The following PLEKHA8 variants were observed in gnomAD, a reference collection of about 807,000 sequenced individuals.
PLEKHA8 encodes pleckstrin homology domain containing A8, also known as pleckstrin homology domain-containing family A member 8.
A neutral mutation model predicts 68.2 loss-of-function variants in PLEKHA8; 36 were observed. The ratio of observed to expected loss-of-function variants is 0.53; its 90% CI spans 0.40 to 0.70. The LOEUF (loss-of-function observed/expected upper bound fraction) is 0.70, where lower values mean the gene tolerates loss of function less well. Among genes scored for constraint, PLEKHA8 ranks in the 30% least tolerant of loss-of-function variants. PLEKHA8 has a pLI of 0.00. For missense variants in PLEKHA8, 505 were observed against 615.4 expected, an observed-to-expected ratio of 0.82 and a Z score of 1.90; for synonymous variants, 211 against 216.1, an observed-to-expected ratio of 0.98 and a Z score of 0.20.
intron 2 of PLEKHA8, 55 bp from the exon 3 acceptor site, chr7:30,046,155 G>A: frequency 1.4e-6 from 2 of 1,463,328 alleles, no homozygotes; most frequent in South Asian, 3.1e-5. Flanking sequence ...GTGGGTTGGA[G>A]GCTACCCAGA....
At chr7:30,110,179 C>T (rs1425485605) in intron 13 of PLEKHA8, among the ~76,000 whole-genome samples, 1 of 152,022 alleles carries the variant, frequency 6.6e-6, no homozygotes. Context: ...AGTCACCCCC[C>T]ATTCCTCCCT....
chr7:30,029,239 TC>T (rs1790463704), intron 1 of PLEKHA8, among the ~76,000 whole-genome samples: 1 of 152,230 alleles, frequency 6.6e-6, no homozygotes, highest in Non-Finnish European at 1.5e-5. Context: ...AGCGGAAAGA[TC>T]CTTTATCAAA....
intron 13 of PLEKHA8, among the ~76,000 whole-genome samples, chr7:30,107,506 G>A (rs1411703739): frequency 1.3e-5 from 2 of 151,750 alleles, no homozygotes; most frequent in African/African-American, 2.4e-5. Flanking sequence ...TTTGTATTTC[G>A]TATTTTTTAC....
At chr7:30,039,664 T>G (rs1269898759) in intron 1 of PLEKHA8, among the ~76,000 whole-genome samples, 2 of 152,276 alleles carry the variant, frequency 1.3e-5, no homozygotes. Flanking sequence ...TATGTTAGTC[T>G]TGTATCCTAT....
intron 1 of PLEKHA8, among the ~76,000 whole-genome samples, chr7:30,029,158 A>C (rs1562845431): frequency 6.6e-6 from 1 of 152,204 alleles, no homozygotes; most frequent in Non-Finnish European, 1.5e-5. Context: ...TGGCGAAGGA[A>C]CCGTACTCCC....
At chr7:30,094,887 G>C (rs1347347018), downstream of PLEKHA8, among the ~76,000 whole-genome samples, 5 of 152,166 alleles carry the variant, frequency 3.3e-5, no homozygotes, top group African/African-American at 1.2e-4. Flanking sequence ...AGTATTCCAT[G>C]GTGTATATGT....
At chr7:30,126,300 C>A (rs975044251) in intron 13 of PLEKHA8, among the ~76,000 whole-genome samples, 3 of 151,772 alleles carry the variant, frequency 2.0e-5, no homozygotes, top group Non-Finnish European at 2.9e-5. Context: ...AAAACATAGA[C>A]TCTTGGGTAT....
intron 13 of PLEKHA8, among the ~76,000 whole-genome samples, chr7:30,123,991 G>A (rs1796734326): frequency 6.6e-6 from 1 of 152,206 alleles, no homozygotes; most frequent in East Asian, 1.9e-4. Flanking sequence ...ATGCTACAGA[G>A]AGGCTATATC....
intron 12 of PLEKHA8, among the ~76,000 whole-genome samples, chr7:30,070,327 T>A (rs917320488): frequency 1.3e-5 from 2 of 152,146 alleles, no homozygotes; most frequent in African/African-American, 2.4e-5. Flanking sequence ...TAGGGCCAAG[T>A]GGGAAGACAG....
intron 13 of PLEKHA8, among the ~76,000 whole-genome samples, chr7:30,112,253 G>A (rs987034587): frequency 6.6e-6 from 1 of 152,018 alleles, no homozygotes; most frequent in African/African-American, 2.4e-5. Flanking sequence ...TCAGTATGGG[G>A]TAGACAAAAA....
At position 30,117,034 on chromosome 7, in the gene PLEKHA8, T is replaced by C. The variant is rs1348024845; in HGVS notation, c.1363-12232T>C. Among the ~76,000 whole-genome samples, 10 of 152,194 alleles carry C rather than the reference T, an allele frequency of 6.6e-5. 1 individual carries two copies. Among genetic ancestry groups the C allele is most frequent in the Admixed American group, 6.5e-4 (10 of 15,280 alleles). ...ATGTAGGTCTAACTTTGTCACCGCC[T>C]TTCCGTCTGCCTTCCAGCATCTGTG... On this transcript the variant is annotated intron_variant, in intron 13 of 13. Coordinates refer to the PLEKHA8 transcript ENST00000396257.
chr7:30,053,174 G>A (rs1792560243), intron 7 of PLEKHA8, among the ~76,000 whole-genome samples: 1 of 152,182 alleles, frequency 6.6e-6, no homozygotes, highest in Non-Finnish European at 1.5e-5. Context: ...AGATTATGAT[G>A]TTATACGTAA....
At position 30,028,666 on chromosome 7, in the gene PLEKHA8, A is replaced by G; in HGVS notation, c.-97A>G. 1 of 986,460 alleles carries G rather than the reference A, an allele frequency of 1.0e-6. No individual in the cohort carries two copies. Among genetic ancestry groups the G allele is most frequent in the Non-Finnish European group, 1.3e-6 (1 of 760,132 alleles). The allele number at this position is 986,460 out of a possible 1,614,324, so 61.1% of individuals were successfully genotyped here. A position where few individuals can be genotyped will look rare whatever the true frequency, so the allele number is the denominator to read the frequency against. Reference sequence around the variant, plus strand: ...GGGCGCCGGGAGTGGGCGTCTGGGCAGCGCCAGGCGATGGCCCTGCTGCTG... The same window carrying G: ...GGGCGCCGGGAGTGGGCGTCTGGGCGGCGCCAGGCGATGGCCCTGCTGCTG... On this transcript the variant is annotated 5_prime_UTR_variant, in exon 1 of 14. Transcript: ENST00000449726.
intron 1 of PLEKHA8, among the ~76,000 whole-genome samples, chr7:30,034,526 G>A (rs528264704): frequency 3.9e-5 from 6 of 152,208 alleles, no homozygotes; most frequent in South Asian, 2.1e-4. Context: ...CATATGTGTC[G>A]TATACTGCAT....
At chr7:30,067,091 C>T (rs969569734) in intron 12 of PLEKHA8, among the ~76,000 whole-genome samples, 1 of 152,226 alleles carries the variant, frequency 6.6e-6, no homozygotes, top group Non-Finnish European at 1.5e-5. Flanking sequence ...CAAAGGGCAT[C>T]TCTGGGTGCT....
intron 9 of PLEKHA8, among the ~76,000 whole-genome samples, chr7:30,059,629 T>C (rs1793274297): frequency 6.6e-6 from 1 of 151,964 alleles, no homozygotes; most frequent in Admixed American, 6.6e-5. Flanking sequence ...CTTAGCTACC[T>C]ATCTTTGTCC....
intron 9 of PLEKHA8, among the ~76,000 whole-genome samples, chr7:30,057,524 C>T (rs960214184): frequency 1.3e-5 from 2 of 151,320 alleles, no homozygotes; most frequent in Admixed American, 6.6e-5. Context: ...GTGGCACAAT[C>T]TTGGCTCACT....
Position 30,050,465 on chromosome 7 carries a change from C to A in PLEKHA8, c.629C>A (p.Ser210Ter). 6.3e-7 allele frequency: 1 copy of A among 1,574,946 alleles called. No homozygotes were observed. The highest frequency in any genetic ancestry group is 8.6e-7 in the Non-Finnish European group (1 of 1,163,790). ...MKHPIIPIHN[S>*]LERQMELSTC... is the part of the protein sequence containing the mutation. ...CATCCTATTATACCAATTCATAATT[C>A]ATTGGAAAGGTACAGTAGCTTTTTT... The change falls in exon 6 of 14, where the codon TCA (serine) becomes TAA (stop). Residue 210 changes from serine (S) to a stop codon, truncating the protein, a stop_gained. Coordinates refer to ENST00000449726, the MANE Select transcript of PLEKHA8 (RefSeq NM_001197026.2). LOFTEE classifies it high-confidence loss of function.
chr7:30,083,276 G>T lies in PLEKHA8; in HGVS notation c.*4489G>T, dbSNP rs989859911. The T allele has an allele frequency of 9.2e-6, 9 of 983,026 alleles. No individual in the cohort carries two copies. Among genetic ancestry groups the T allele is most frequent in the Non-Finnish European group, 1.1e-5 (9 of 827,894 alleles). The allele number at this position is 983,026 out of a possible 1,614,324, so 60.9% of individuals were successfully genotyped here. A position where few individuals can be genotyped will look rare whatever the true frequency, so the allele number is the denominator to read the frequency against. On this transcript the variant is annotated 3_prime_UTR_variant, in exon 14 of 14. Transcript: ENST00000449726. ...TTAGAAGTACATTCTACTTCTGTAT[G>T]TCCCTTTGTAATCCGCAGTTGCTTA...
Sources: allele counts gnomAD v4.1 joint callset (sites outside exome capture counted in the v4.1 genomes callset), GRCh38; gene constraint gnomAD v4.1.1; transcripts MANE v1.5; gene names NCBI Gene and HGNC (gene_info 2026-07-23, HGNC 2026-07-21).